KNDC1: variants seen among roughly 807,000 people sequenced by gnomAD.
The protein encoded by KNDC1 is kinase non-catalytic C-lobe domain-containing protein 1.
KNDC1 carries 106 observed loss-of-function variants against 172.8 expected under a neutral mutation model. That is an observed-to-expected ratio of 0.61 (90% CI 0.52 to 0.72). The LOEUF (loss-of-function observed/expected upper bound fraction) is 0.72, where lower values mean the gene tolerates loss of function less well. KNDC1 is among the 30% of genes least tolerant of loss of function. KNDC1 has a pLI of 0.00. For synonymous variants in KNDC1, 1,083 were observed against 1,062.2 expected, an observed-to-expected ratio of 1.02 and a Z score of -0.38; for missense variants, 2,325 against 2,394.5, an observed-to-expected ratio of 0.97 and a Z score of 0.61.
intron 3 of KNDC1, among the ~76,000 whole-genome samples, chr10:133,174,965 T>C (rs1853484972): frequency 6.7e-6 from 1 of 150,300 alleles, no homozygotes; most frequent in Non-Finnish European, 1.5e-5. Context: ...GGTGGATATG[T>C]GGATGGATGA....
chr10:133,186,454 C>G lies in KNDC1; in HGVS notation c.1106C>G (p.Pro369Arg), dbSNP rs534543804. 22 of 1,612,442 alleles carry G rather than the reference C, an allele frequency of 1.4e-5. No homozygotes were observed. The highest frequency in any genetic ancestry group is 1.7e-5 in the Non-Finnish European group (20 of 1,179,792). Residue 369 changes from proline to arginine, a missense_variant, in exon 6 of 30, where the codon CCG becomes CGG. Pro to Arg is a moderately radical substitution (Grantham distance 103). Coordinates refer to ENST00000304613, the MANE Select transcript of KNDC1 (RefSeq NM_152643.8). ...PKCRLWPEQE[P>R]EHQLGRVPCA... ...TGCAGGCTGTGGCCGGAGCAGGAGCCGGAACACCAGCTGGGACGGGTTCCC... is the reference window on the plus strand; with the variant it reads ...TGCAGGCTGTGGCCGGAGCAGGAGCGGGAACACCAGCTGGGACGGGTTCCC...
chr10:133,197,834 C>T (rs1003174081), intron 12 of KNDC1, 66 bp downstream of exon 12: 1 of 1,223,264 alleles, frequency 8.2e-7, no homozygotes, highest in Non-Finnish European at 1.2e-6. Context: ...CTGCCCCCAC[C>T]TCTGCATGGA....
At chr10:133,186,954 C>T (rs1304503950) in intron 6 of KNDC1, among the ~76,000 whole-genome samples, 1 of 152,148 alleles carries the variant, frequency 6.6e-6, no homozygotes, top group African/African-American at 2.4e-5. Context: ...CCTCACACAG[C>T]CCCGCACGGC....
At chr10:133,184,148 C>T (rs1239027916) in intron 5 of KNDC1, among the ~76,000 whole-genome samples, 159 bp downstream of exon 5, 1 of 148,984 alleles carries the variant, frequency 6.7e-6, no homozygotes, top group African/African-American at 2.5e-5. Context: ...CACACACACC[C>T]ATGCACACAC....
intron 9 of KNDC1, among the ~76,000 whole-genome samples, chr10:133,191,922 A>G (rs1225056660): frequency 6.6e-6 from 1 of 152,208 alleles, no homozygotes; most frequent in East Asian, 1.9e-4. Flanking sequence ...CCTCAAAGAA[A>G]GTGAGCAGGA....
chr10:133,203,178 CAG>C (rs1188209229), intron 17 of KNDC1, among the ~76,000 whole-genome samples: 4 of 67,166 alleles, frequency 6.0e-5, no homozygotes, highest in Admixed American at 1.6e-4. Flanking sequence ...CCCAAACGCA[CAG>C]AGTCCAGCGG....
intron 9 of KNDC1, among the ~76,000 whole-genome samples, chr10:133,193,791 A>G (rs1374413339): frequency 6.6e-6 from 1 of 152,256 alleles, no homozygotes; most frequent in East Asian, 1.9e-4. Context: ...TATCAGGTTA[A>G]GTGTACTTCA....
At chr10:133,188,431 C>A in intron 6 of KNDC1, 108 bp from the exon 7 acceptor site, 2 of 690,550 alleles carry the variant, frequency 2.9e-6, no homozygotes, top group Non-Finnish European at 5.0e-6. Flanking sequence ...GGCGCCTACT[C>A]AGGGGCTGAG....
rs960808938 is a variant in KNDC1, at chr10:133,224,139, G to A, written c.5019-520G>A. On this transcript the variant is annotated intron_variant, in intron 29 of 29. Transcript: ENST00000304613. This position sits in a 1 kb window ranked among gnomAD's most constrained non-coding sequence, Gnocchi z 5.4. ...TGTTTCCATCCAAAATCAGGACAGG[G>A]CGTCTGTCTGTGGCATCAGTGTCCC... Among the ~76,000 whole-genome samples, 4 of 152,202 alleles carry A rather than the reference G, an allele frequency of 2.6e-5. No individual in the cohort carries two copies. The highest frequency in any genetic ancestry group is 2.6e-4 in the Admixed American group (4 of 15,282).
At chr10:133,183,261 C>G in intron 3 of KNDC1, 83 bp from the exon 4 acceptor site, 6 of 1,426,560 alleles carry the variant, frequency 4.2e-6, no homozygotes, top group Non-Finnish European at 5.6e-6. Flanking sequence ...GAAACTTGAG[C>G]TCCTGGCCCG....
At chr10:133,174,546 G>A (rs1283986421) in intron 3 of KNDC1, among the ~76,000 whole-genome samples, 1 of 152,224 alleles carries the variant, frequency 6.6e-6, no homozygotes, top group African/African-American at 2.4e-5. Flanking sequence ...TAAATGGATT[G>A]ATGGTTGGAG....
At chr10:133,183,801 G>C in intron 4 of KNDC1, 71 bp from the exon 5 acceptor site, 1 of 1,231,888 alleles carries the variant, frequency 8.1e-7, no homozygotes, top group South Asian at 1.4e-5. Flanking sequence ...GGATCCGGCC[G>C]TGTCGGGTGG....
Position 133,182,095 on chromosome 10 carries a change from C to G in KNDC1, c.361-1249C>G, listed in dbSNP as rs560840715. ...TCTGGCTGGGTCCCTGCAGCCTGACCCTGAGACAGACCCTGACAGAGAGGG... is the reference window on the plus strand; with the variant it reads ...TCTGGCTGGGTCCCTGCAGCCTGACGCTGAGACAGACCCTGACAGAGAGGG... On this transcript the variant is annotated intron_variant, in intron 3 of 29. Coordinates refer to ENST00000304613, the MANE Select transcript of KNDC1 (RefSeq NM_152643.8). Among the ~76,000 whole-genome samples the G allele has an allele frequency of 2.0e-4, 31 of 152,264 alleles. No homozygotes were observed. The South Asian group carries it at 3.1e-3, about 15-fold the overall frequency.
At chr10:133,170,536 A>G (rs931944633) in intron 3 of KNDC1, among the ~76,000 whole-genome samples, 5 of 152,148 alleles carry the variant, frequency 3.3e-5, no homozygotes, top group African/African-American at 1.2e-4. Flanking sequence ...CCTAAAAAGT[A>G]TTGTCTGCCC....
chr10:133,221,596 C>G (rs1361447236), intron 29 of KNDC1, among the ~76,000 whole-genome samples: 1 of 152,260 alleles, frequency 6.6e-6, no homozygotes, highest in Non-Finnish European at 1.5e-5. Context: ...CTCCACCCTC[C>G]CCCACGGTAG....
intron 29 of KNDC1, among the ~76,000 whole-genome samples, chr10:133,223,823 G>T (rs1478824547): frequency 1.0e-5 from 1 of 97,576 alleles, no homozygotes; most frequent in African/African-American, 4.0e-5. Flanking sequence ...GCGTGTGTGT[G>T]TGTGTGAGAG....
In KNDC1 at chr10:133,198,808, C is replaced by A. The variant is rs763030496; in HGVS notation, c.2300C>A (p.Ala767Glu). Residue 767 changes from alanine (A) to glutamate (E), a missense_variant, in exon 14 of 30, where the codon GCA (alanine) becomes GAA (glutamate). Transcript: ENST00000304613. Reference sequence around the variant, plus strand: ...CCCTGCCCTCCACCCCAGGCCCCAGCAAACCAGCCAGAGGGGGCCTCATCG... The same window carrying A: ...CCCTGCCCTCCACCCCAGGCCCCAGAAAACCAGCCAGAGGGGGCCTCATCG... ...GRPCPPPQAP[A>E]NQPEGASSAA... The A allele has an allele frequency of 1.1e-5, 17 of 1,594,632 alleles. No homozygotes were observed. Among genetic ancestry groups the A allele is most frequent in the Non-Finnish European group, 1.4e-5 (16 of 1,171,210 alleles).
At chr10:133,188,067 G>A (rs951124408) in intron 6 of KNDC1, among the ~76,000 whole-genome samples, 1 of 152,056 alleles carries the variant, frequency 6.6e-6, no homozygotes, top group Non-Finnish European at 1.5e-5. Context: ...GGGAGCCTGC[G>A]TGAGAACCCC....
Position 133,184,126 on chromosome 10 carries a change from G to A in KNDC1, c.625+137G>A, listed in dbSNP as rs1853810417. 11 of 480,692 alleles carry A rather than the reference G, an allele frequency of 2.3e-5. No homozygotes were observed. The South Asian group carries it at 3.8e-4, about 16-fold the overall frequency. 29.8% of individuals were successfully genotyped at this position (480,692 alleles called of 1,614,324 possible). A position where few individuals can be genotyped will look rare whatever the true frequency, so the allele number is the denominator to read the frequency against. ...ACACCCATACTGCACACACACCCAT[G>A]CACACACATGCCACACACACCCATG... On this transcript the variant is annotated intron_variant, in intron 5 of 29. Coordinates refer to ENST00000304613, the MANE Select transcript of KNDC1 (RefSeq NM_152643.8).
Sources: allele counts gnomAD v4.1 joint callset (sites outside exome capture counted in the v4.1 genomes callset), GRCh38; gene constraint gnomAD v4.1.1; non-coding constraint Gnocchi (gnomAD v3.1); transcripts MANE v1.5; gene names NCBI Gene and HGNC (gene_info 2026-07-23, HGNC 2026-07-21).